The following SH3TC2 variants were observed in gnomAD, a reference collection of about 807,000 sequenced individuals.
SH3TC2 encodes the protein SH3 domain and tetratricopeptide repeats 2.
In SH3TC2, 87 loss-of-function variants were observed where a neutral mutation model predicts 124.5. The observed-to-expected ratio is 0.70, with a 90% CI of 0.59 to 0.84. The LOEUF is 0.84. SH3TC2 is among the 40% of genes least tolerant of loss of function. The probability of loss-of-function intolerance (pLI) is 0.00; values close to 1 mark genes in which losing one functional copy is unlikely to be tolerated. For synonymous variants in SH3TC2, 634 were observed against 628.5 expected (o/e 1.01, Z -0.13); for missense variants, 1,536 against 1,566.4 (o/e 0.98, Z 0.33).
At chr5:149,038,272 A>C in intron 8 of SH3TC2, 23 bp downstream of exon 8, 1 of 1,610,192 alleles carries the variant, frequency 6.2e-7, no homozygotes, top group Non-Finnish European at 8.5e-7. Context: ...CAGCTCCAGG[A>C]CATGCTCACT....
Position 149,031,396 on chromosome 5 carries a change from T to C in SH3TC2, c.1135+158A>G, listed in dbSNP as rs749908775. Among the ~76,000 whole-genome samples the C allele has an allele frequency of 7.3e-4, 111 of 152,316 alleles. 1 individual carries two copies. The highest frequency in any genetic ancestry group is 2.5e-4 in the Non-Finnish European group (17 of 68,030). ...CCTGAAATCTAAAGTGAAATGCTGC[T>C]AATCAAATATGATTCAGGTCGTCAA... is the stretch of plus-strand genomic sequence containing the variant. On this transcript the variant is annotated intron_variant, in intron 9 of 16. Coordinates refer to ENST00000515425, the MANE Select transcript of SH3TC2 (RefSeq NM_024577.4).
intron 12 of SH3TC2, among the ~76,000 whole-genome samples, chr5:149,023,653 G>A (rs1185024549): frequency 7.0e-6 from 1 of 142,580 alleles, no homozygotes; most frequent in South Asian, 2.3e-4. Context: ...GTGTGACCTC[G>A]GCTCACTGCA....
In SH3TC2 at chr5:149,024,746, C is replaced by T. The variant is rs547772757; in HGVS notation, c.3053+1826G>A. Among the ~76,000 whole-genome samples the T allele has an allele frequency of 2.6e-5, 4 of 152,270 alleles. No homozygotes were observed. In the South Asian group the frequency reaches 8.3e-4, roughly 32 times the overall value. On this transcript the variant is annotated intron_variant, in intron 12 of 16. Coordinates refer to ENST00000515425, the MANE Select transcript of SH3TC2 (RefSeq NM_024577.4). ...AGTAACTTCTTGGGCCATCTGTAGA[C>T]CCACCCCTGACCTCCTCTCCACCAT...
At chr5:149,045,971 A>T (rs764807034) in intron 3 of SH3TC2, 6 of 433,034 alleles carry the variant, frequency 1.4e-5, no homozygotes, top group South Asian at 9.9e-5. Flanking sequence ...CCTAAAAAAA[A>T]AGCAGGTCTG....
chr5:149,012,523 A>C, intron 13 of SH3TC2, 61 bp downstream of exon 13: 1 of 1,590,308 alleles, frequency 6.3e-7, no homozygotes, highest in South Asian at 1.1e-5. Flanking sequence ...TTTGGAGGGT[A>C]CAGCTGCCTC....
At chr5:149,036,316 T>G (rs1754282594) in intron 8 of SH3TC2, among the ~76,000 whole-genome samples, 1 of 152,060 alleles carries the variant, frequency 6.6e-6, no homozygotes, top group Admixed American at 6.5e-5. Flanking sequence ...CCCAAAGGCC[T>G]TTCTTTCCTC....
Position 149,031,559 on chromosome 5 carries a change from C to G in SH3TC2, c.1130G>C (p.Arg377Pro). Residue 377 changes from arginine to proline, a missense_variant, in exon 9 of 17, where the codon CGG (arginine) becomes CCG (proline). Arg to Pro is a moderately radical substitution (Grantham distance 103). Around this residue, in one of 3 missense-constraint regions of SH3TC2, gnomAD observed 1,102 missense variants for 1,098.6 expected, o/e 1.00. Coordinates refer to ENST00000515425, the MANE Select transcript of SH3TC2 (RefSeq NM_024577.4). ...GTCTGAGGACCAACACTCACTGAGC[C>G]GGTAGACAGATGTGATGTCAGTGCG... ...LARTDITSVYRLSGFESIQNP... is the reference protein window; with the variant it reads ...LARTDITSVYPLSGFESIQNP... 1 of 1,614,086 alleles carries G rather than the reference C, an allele frequency of 6.2e-7. No homozygotes were observed.
rs574369273 is a variant in SH3TC2, at chr5:148,993,578, C to T, written c.*11133G>A. ...TATAAGCATGGAGTCAAAACACCCT[C>T]AGCAATATATCACGGAGGTCAAAAC... On this transcript the variant is annotated 3_prime_UTR_variant, in exon 17 of 17. Transcript: ENST00000515425. Among the ~76,000 whole-genome samples the T allele has an allele frequency of 8.5e-5, 13 of 152,254 alleles. No homozygotes were observed. In the South Asian group the frequency reaches 2.7e-3, roughly 32 times the overall value.
intron 5 of SH3TC2, 81 bp downstream of exon 5, chr5:149,042,613 C>A: frequency 6.4e-7 from 1 of 1,562,208 alleles, no homozygotes. Flanking sequence ...TTTTTCCCTC[C>A]CTTTGCATCC....
At chr5:149,034,120 C>A (rs1297961198) in intron 8 of SH3TC2, among the ~76,000 whole-genome samples, 1 of 151,840 alleles carries the variant, frequency 6.6e-6, no homozygotes, top group Non-Finnish European at 1.5e-5. Flanking sequence ...AAAATAGAAG[C>A]TACAATGAAA....
In SH3TC2 at chr5:149,000,290, C is replaced by G. The variant is rs1753576891; in HGVS notation, c.*4421G>C. Among the ~76,000 whole-genome samples, 1 of 152,184 alleles carries G rather than the reference C, an allele frequency of 6.6e-6. No individual in the cohort carries two copies. On this transcript the variant is annotated 3_prime_UTR_variant, in exon 17 of 17. Coordinates refer to ENST00000515425, the MANE Select transcript of SH3TC2 (RefSeq NM_024577.4). ...CCTCAGAAGGAGCTCAGTCCTCTTC[C>G]CTGCTTACTCCATTTCTCTGAGTGT...
chr5:149,008,492 C>T (rs1753728168), intron 15 of SH3TC2: 1 of 345,070 alleles, frequency 2.9e-6, no homozygotes, highest in Non-Finnish European at 5.5e-6. Flanking sequence ...AATAAAATAT[C>T]ATTTACTTTA....
Position 149,026,852 on chromosome 5 carries a change from ATACT to A in SH3TC2, c.2872+4_2872+7del, listed in dbSNP as rs1754073023. 1.2e-6 allele frequency: 2 copies of A among 1,614,218 alleles called. No homozygotes were observed. Among genetic ancestry groups the A allele is most frequent in the Non-Finnish European group, 1.7e-6 (2 of 1,180,042 alleles). On this transcript the variant is annotated splice_donor_5th_base_variant and intron_variant, in intron 11 of 16. Coordinates refer to ENST00000515425, the MANE Select transcript of SH3TC2 (RefSeq NM_024577.4). ...CTATAGCTTCCCAGCAGCATGGGACATACTTACTCTTTAGATGTCGATGCCTTAA... is the reference window on the plus strand; with the variant it reads ...CTATAGCTTCCCAGCAGCATGGGACATACTCTTTAGATGTCGATGCCTTAA...
At chr5:149,034,837 A>T (rs1273486433) in intron 8 of SH3TC2, among the ~76,000 whole-genome samples, 1 of 152,236 alleles carries the variant, frequency 6.6e-6, no homozygotes, top group African/African-American at 2.4e-5. Flanking sequence ...AAAATGGACA[A>T]GGCCCTGGCA....
At chr5:149,028,813 G>A (rs1754131220) in intron 9 of SH3TC2, 95 bp from the exon 10 acceptor site, 1 of 1,283,588 alleles carries the variant, frequency 7.8e-7, no homozygotes, top group Non-Finnish European at 1.1e-6. Context: ...CCTCTTAGGA[G>A]CCTTGGCATT....
Position 149,031,671 on chromosome 5 carries a change from A to G in SH3TC2, c.1018T>C (p.Phe340Leu), listed in dbSNP as rs1561766784. 6.2e-7 allele frequency: 1 copy of G among 1,614,142 alleles called. No individual in the cohort carries two copies. Among genetic ancestry groups the G allele is most frequent in the East Asian group, 2.2e-5 (1 of 44,868 alleles). The change falls in exon 9 of 17, where the codon TTT becomes CTT. Residue 340 changes from phenylalanine (F) to leucine (L), a missense_variant. Phe to Leu is a conservative substitution (Grantham distance 22). Coordinates refer to ENST00000515425, the MANE Select transcript of SH3TC2 (RefSeq NM_024577.4). ...GAGCATCTCTCCTCATCACTGAGAA[A>G]GGCAGAGTTCCTGCTCCTGCATCGG... ...SYSPMSRNSA[F>L]LSDEERCSLL...
chr5:149,039,613 G>A (rs1434390489), intron 7 of SH3TC2, among the ~76,000 whole-genome samples: 1 of 152,218 alleles, frequency 6.6e-6, no homozygotes, highest in African/African-American at 2.4e-5. Flanking sequence ...AAGAGAAACT[G>A]TGCAAAGTGA....
rs1054016020 is a variant in SH3TC2, at chr5:148,987,831, G to A, written c.*16880C>T. ...AATCTGTGTGTGTGTGTGTGTGTGT[G>A]TGTGTGTGTGTGTGTGTGTGTGTGT... On this transcript the variant is annotated 3_prime_UTR_variant, in exon 17 of 17. Coordinates refer to ENST00000515425, the MANE Select transcript of SH3TC2 (RefSeq NM_024577.4). 6.6e-6 allele frequency among the ~76,000 whole-genome samples: 1 copy of A among 151,328 alleles called. No individual in the cohort carries two copies. The highest frequency in any genetic ancestry group is 6.6e-5 in the Admixed American group (1 of 15,204).
chr5:149,044,389 T>C (rs1045925733), intron 4 of SH3TC2, 144 bp downstream of exon 4: 2 of 667,866 alleles, frequency 3.0e-6, no homozygotes, highest in Admixed American at 2.5e-5. Flanking sequence ...TGAGGCACTT[T>C]GTGAAATTTC....
Sources: gnomAD v4.1 joint callset for allele counts (sites outside exome capture counted in the v4.1 genomes callset) on GRCh38, gnomAD v4.1.1 for gene constraint, gnomAD v4.1.1 regional missense constraint, MANE v1.5 for transcripts, NCBI Gene and HGNC (gene_info 2026-07-23, HGNC 2026-07-21) for gene names.